The following RANGAP1 variants were observed in gnomAD, a reference collection of about 807,000 sequenced individuals.
RANGAP1 encodes the protein ran GTPase-activating protein 1.
Under a neutral mutation model 63.5 loss-of-function variants are expected in RANGAP1, and 38 were observed. The observed-to-expected ratio is 0.60, with a 90% CI of 0.46 to 0.78. The LOEUF is 0.78. Among genes scored for constraint, RANGAP1 ranks in the 30% least tolerant of loss-of-function variants. The probability of loss-of-function intolerance (pLI) is 0.00; values close to 1 mark genes in which losing one functional copy is unlikely to be tolerated. For synonymous variants in RANGAP1, 329 were observed against 310.5 expected, an observed-to-expected ratio of 1.06 and a Z score of -0.63; for missense variants, 630 against 740.3, an observed-to-expected ratio of 0.85 and a Z score of 1.73.
upstream of RANGAP1, among the ~76,000 whole-genome samples, chr22:41,290,184 G>A (rs1188219469): frequency 3.4e-5 from 5 of 148,646 alleles, no homozygotes; most frequent in East Asian, 9.9e-4. Context: ...GAGAGAAAGA[G>A]AATAGAAGAC....
intron 1 of RANGAP1, among the ~76,000 whole-genome samples, chr22:41,283,975 G>A (rs118089244): frequency 0.042 from 6,423 of 152,300 alleles, 182 homozygotes; most frequent in Non-Finnish European, 0.064. Context: ...AGGGCCGGGC[G>A]CAAAGGCTCA....
intron 6 of RANGAP1, 74 bp from the exon 7 acceptor site, chr22:41,258,180 A>C: frequency 6.7e-7 from 1 of 1,498,752 alleles, no homozygotes; most frequent in Non-Finnish European, 9.0e-7. Context: ...GAGCAATTCC[A>C]CACAGCAGGC....
chr22:41,298,418 G>T, the RANGAP1 span, among the ~76,000 whole-genome samples: 2 of 151,954 alleles, frequency 1.3e-5, no homozygotes, highest in Non-Finnish European at 2.9e-5. Context: ...AGGTTCAAGC[G>T]ATTCTCCTGC....
the RANGAP1 span, among the ~76,000 whole-genome samples, chr22:41,294,459 C>T: frequency 6.6e-6 from 1 of 151,560 alleles, no homozygotes; most frequent in Non-Finnish European, 1.5e-5. Context: ...ATTGCAGCCT[C>T]TGCCCGGCCG....
chr22:41,249,320 C>T lies in RANGAP1; in HGVS notation c.1694+10G>A. 1.3e-6 allele frequency: 2 copies of T among 1,591,146 alleles called. No homozygotes were observed. The highest frequency in any genetic ancestry group is 1.7e-6 in the Non-Finnish European group (2 of 1,167,766). ...GGCAGGCACCGGCAGAAGGACAAGG[C>T]CACACTCACTTGGTCACGAACGCCA... is the stretch of plus-strand genomic sequence containing the variant. On this transcript the variant is annotated intron_variant, in intron 15 of 15. Transcript: ENST00000356244.
chr22:41,256,565 A>G (rs1276290171), intron 8 of RANGAP1, 146 bp downstream of exon 8: 2 of 702,796 alleles, frequency 2.8e-6, no homozygotes, highest in South Asian at 1.8e-5. Flanking sequence ...AGGGGTGTGG[A>G]GGCTCACACA....
chr22:41,257,509 G>A lies in RANGAP1; in HGVS notation c.774+439C>T, dbSNP rs1033214997. ...CTGCACCTGTAATCCCAGCTACTCA[G>A]AAGGCTGAGGTGGGAGGATCACTTG... On this transcript the variant is annotated intron_variant, in intron 7 of 15. Coordinates refer to ENST00000356244, the MANE Select transcript of RANGAP1 (RefSeq NM_002883.4). The surrounding 1 kb of genome is among the most constrained non-coding windows in gnomAD (Gnocchi z 4.0). 2.6e-5 allele frequency among the ~76,000 whole-genome samples: 4 copies of A among 152,238 alleles called. No homozygotes were observed. The highest frequency in any genetic ancestry group is 7.2e-5 in the African/African-American group (3 of 41,462).
At chr22:41,269,974 C>T (rs550288487) in intron 3 of RANGAP1, among the ~76,000 whole-genome samples, 6 of 152,146 alleles carry the variant, frequency 3.9e-5, no homozygotes, top group Non-Finnish European at 7.4e-5. Context: ...GCTGGGATTA[C>T]AGGTGCCCGC....
At chr22:41,256,603 T>C in intron 8 of RANGAP1, 108 bp downstream of exon 8, 2 of 919,384 alleles carry the variant, frequency 2.2e-6, no homozygotes, top group Non-Finnish European at 3.3e-6. Context: ...GTGGAGGAGC[T>C]GGGATATGGA....
chr22:41,272,978 A>C (rs2034926140), intron 3 of RANGAP1, among the ~76,000 whole-genome samples: 1 of 151,880 alleles, frequency 6.6e-6, no homozygotes, highest in South Asian at 2.1e-4. Context: ...ATGCCGGGCT[A>C]ATTTTTGTAC....
At chr22:41,247,463 T>C (rs2033126037) in intron 15 of RANGAP1, among the ~76,000 whole-genome samples, 1 of 152,092 alleles carries the variant, frequency 6.6e-6, no homozygotes, top group East Asian at 1.9e-4. Flanking sequence ...GTGGTCCTCC[T>C]ACCTCATCCT....
chr22:41,264,802 C>T lies in RANGAP1; in HGVS notation c.342G>A (p.Leu114=). ...CGTTGTCGCTTAAGTCCAGCTCCAC[C>T]AGCTGAGCCCCAGCTGTGATGAGTC... ...GEGLITAGAQ[L]VELDLSDNAF... Residue 114 remains leucine, a synonymous_variant, in exon 5 of 16, where the codon CTG becomes CTA. Coordinates refer to ENST00000356244, the MANE Select transcript of RANGAP1 (RefSeq NM_002883.4). The T allele has an allele frequency of 1.2e-6, 2 of 1,613,488 alleles. No individual in the cohort carries two copies. The highest frequency in any genetic ancestry group is 1.7e-6 in the Non-Finnish European group (2 of 1,179,404).
chr22:41,261,422 G>A (rs1317480326), intron 6 of RANGAP1, 24 bp downstream of exon 6: 3 of 1,613,906 alleles, frequency 1.9e-6, no homozygotes, highest in Non-Finnish European at 2.5e-6. Context: ...GGCTGCAGGG[G>A]CAGGATGGAC....
upstream of RANGAP1, among the ~76,000 whole-genome samples, chr22:41,286,757 C>T (rs1410258369): frequency 6.6e-6 from 1 of 152,224 alleles, no homozygotes; most frequent in East Asian, 1.9e-4. Context: ...GCCACGTTAA[C>T]ATCAACAGCA....
the RANGAP1 span, among the ~76,000 whole-genome samples, chr22:41,294,161 C>G: frequency 6.6e-6 from 1 of 152,260 alleles, no homozygotes; most frequent in African/African-American, 2.4e-5. Flanking sequence ...GCCTGATTCT[C>G]CTGCCTCAGC....
At chr22:41,273,934 C>T (rs1171327761) in intron 3 of RANGAP1, among the ~76,000 whole-genome samples, 4 of 151,846 alleles carry the variant, frequency 2.6e-5, no homozygotes, top group Admixed American at 2.0e-4. Context: ...AAAAATTAGC[C>T]GGGAGTGGTG....
At chr22:41,258,128 T>G (rs2033954651) in intron 6 of RANGAP1, 22 bp from the exon 7 acceptor site, 1 of 1,573,608 alleles carries the variant, frequency 6.4e-7, no homozygotes, top group Admixed American at 1.8e-5. Context: ...AGGCAGAGAG[T>G]GGAGGGGGCC....
chr22:41,248,084 G>T (rs1233626393), intron 15 of RANGAP1, among the ~76,000 whole-genome samples: 2 of 152,138 alleles, frequency 1.3e-5, no homozygotes, highest in African/African-American at 2.4e-5. Flanking sequence ...GACGGGGGCT[G>T]GGGCCACTGG....
rs1196795216 is a variant in RANGAP1, at chr22:41,257,492, G to A, written c.774+456C>T. On this transcript the variant is annotated intron_variant, in intron 7 of 15. Coordinates refer to ENST00000356244, the MANE Select transcript of RANGAP1 (RefSeq NM_002883.4). This position sits in a 1 kb window ranked among gnomAD's most constrained non-coding sequence, Gnocchi z 4.0. Reference sequence around the variant, plus strand: ...GGGCCAGGCACAGTGGCCTGCACCTGTAATCCCAGCTACTCAGAAGGCTGA... The same window carrying A: ...GGGCCAGGCACAGTGGCCTGCACCTATAATCCCAGCTACTCAGAAGGCTGA... Among the ~76,000 whole-genome samples, 2 of 152,354 alleles carry A rather than the reference G, an allele frequency of 1.3e-5. No individual in the cohort carries two copies. The highest frequency in any genetic ancestry group is 3.9e-4 in the East Asian group (2 of 5,188).
Sources: gnomAD v4.1 joint callset for allele counts (sites outside exome capture counted in the v4.1 genomes callset) on GRCh38, gnomAD v4.1.1 for gene constraint, Gnocchi (gnomAD v3.1) non-coding constraint, MANE v1.5 for transcripts, NCBI Gene and HGNC (gene_info 2026-07-23, HGNC 2026-07-21) for gene names.